The following AGMO variants were observed in gnomAD, a reference collection of about 807,000 sequenced individuals.
AGMO encodes the protein alkylglycerol monooxygenase.
AGMO carries 75 observed loss-of-function variants against 60.2 expected under a neutral mutation model. The observed-to-expected ratio is 1.25, with a 90% CI of 1.03 to 1.51. AGMO has a LOEUF of 1.51. AGMO is among the 40% of genes most tolerant of loss of function. The probability of loss-of-function intolerance (pLI) is 0.00; values close to 1 mark genes in which losing one functional copy is unlikely to be tolerated. For missense variants in AGMO, 763 were observed against 525.5 expected, an observed-to-expected ratio of 1.45 and a Z score of -4.42; for synonymous variants, 261 against 177.1, an observed-to-expected ratio of 1.47 and a Z score of -3.76.
chr7:15,465,247 T>A (rs937031710), intron 3 of AGMO, among the ~76,000 whole-genome samples: 1 of 151,764 alleles, frequency 6.6e-6, no homozygotes, highest in Non-Finnish European at 1.5e-5. Flanking sequence ...CCACTCCCTC[T>A]CTTCTCAGCA....
At chr7:15,288,643 A>T (rs1385629618) in intron 12 of AGMO, among the ~76,000 whole-genome samples, 2 of 151,976 alleles carry the variant, frequency 1.3e-5, no homozygotes, top group Non-Finnish European at 2.9e-5. Context: ...CAAATTTCTT[A>T]TGCCTTTATA....
chr7:15,121,401 T>C, the AGMO span, among the ~76,000 whole-genome samples: 1 of 152,124 alleles, frequency 6.6e-6, no homozygotes, highest in Non-Finnish European at 1.5e-5. Context: ...CACCACACTG[T>C]CTTCCACAAT....
At chr7:15,536,839 A>T (rs1397473530) in intron 3 of AGMO, among the ~76,000 whole-genome samples, 1 of 151,950 alleles carries the variant, frequency 6.6e-6, no homozygotes, top group Non-Finnish European at 1.5e-5. Context: ...ATGCTATTTT[A>T]TATGGTAACG....
intron 12 of AGMO, among the ~76,000 whole-genome samples, chr7:15,282,062 T>G (rs1419682624): frequency 6.6e-6 from 1 of 152,058 alleles, no homozygotes; most frequent in East Asian, 1.9e-4. Context: ...AATAAAGAAA[T>G]TTTAAAAAAC....
intron 12 of AGMO, among the ~76,000 whole-genome samples, chr7:15,224,320 G>A (rs368061682): frequency 1.3e-5 from 2 of 152,054 alleles, no homozygotes; most frequent in East Asian, 3.9e-4. Flanking sequence ...CCAAACTGAT[G>A]GTATTATGAG....
At chr7:15,462,258 A>C (rs1453988013) in intron 3 of AGMO, among the ~76,000 whole-genome samples, 1 of 152,188 alleles carries the variant, frequency 6.6e-6, no homozygotes, top group African/African-American at 2.4e-5. Flanking sequence ...CTGTCAGTTG[A>C]GAGTGATATA....
chr7:15,528,690 C>T (rs776464567), intron 3 of AGMO, among the ~76,000 whole-genome samples: 10 of 151,500 alleles, frequency 6.6e-5, no homozygotes, highest in South Asian at 2.1e-4. Context: ...TCTTTTTTGC[C>T]CAGGCTGGAG....
intron 9 of AGMO, 87 bp from the exon 10 acceptor site, chr7:15,385,649 ATCTGCTATTTTT>A: frequency 1.3e-6 from 1 of 768,620 alleles, no homozygotes; most frequent in African/African-American, 2.0e-5. Context: ...TGAAAAAAGT[ATCTGCTATTTTT>A]TTTAAAAAAA....
chr7:15,489,240 C>A (rs1019453263), intron 3 of AGMO, among the ~76,000 whole-genome samples: 2 of 152,086 alleles, frequency 1.3e-5, no homozygotes, highest in African/African-American at 4.8e-5. Context: ...TTTGTAGAAT[C>A]ATGAAGAGCC....
intron 12 of AGMO, among the ~76,000 whole-genome samples, chr7:15,278,841 C>T (rs1225395215): frequency 6.6e-6 from 1 of 152,134 alleles, no homozygotes; most frequent in Non-Finnish European, 1.5e-5. Flanking sequence ...GAACACCAGG[C>T]TGCAGCTATA....
intron 5 of AGMO, among the ~76,000 whole-genome samples, chr7:15,394,708 T>C (rs1260758714): frequency 6.6e-6 from 1 of 152,046 alleles, no homozygotes; most frequent in Admixed American, 6.6e-5. Context: ...TTTCCCGGAG[T>C]TGTTTCACCC....
chr7:15,251,882 G>A (rs75209101), intron 12 of AGMO, among the ~76,000 whole-genome samples: 1 of 152,130 alleles, frequency 6.6e-6, no homozygotes, highest in African/African-American at 2.4e-5. Flanking sequence ...AGTGTTCCTT[G>A]CAAGAGGCAT....
At chr7:15,153,215 T>C in the AGMO span, among the ~76,000 whole-genome samples, 23 of 152,152 alleles carry the variant, frequency 1.5e-4, no homozygotes, top group African/African-American at 5.5e-4. Context: ...CTGATTTGTT[T>C]AAACTCTTTG....
intron 3 of AGMO, among the ~76,000 whole-genome samples, chr7:15,505,189 A>T (rs1330687645): frequency 6.6e-6 from 1 of 151,992 alleles, no homozygotes; most frequent in Non-Finnish European, 1.5e-5. Flanking sequence ...AGATGGAATT[A>T]CTACATTGTA....
intron 3 of AGMO, among the ~76,000 whole-genome samples, chr7:15,466,086 T>C (rs1294485992): frequency 6.6e-6 from 1 of 152,182 alleles, no homozygotes; most frequent in Admixed American, 6.6e-5. Context: ...TCTCATGTTT[T>C]ATTTTTCTGA....
At chr7:15,194,492 T>G in the AGMO span, among the ~76,000 whole-genome samples, 1 of 152,036 alleles carries the variant, frequency 6.6e-6, no homozygotes, top group Non-Finnish European at 1.5e-5. Flanking sequence ...ATCTCCCCTT[T>G]GAGCATGAAT....
intron 3 of AGMO, among the ~76,000 whole-genome samples, chr7:15,439,885 G>C (rs2128501517): frequency 6.6e-6 from 1 of 152,206 alleles, no homozygotes; most frequent in South Asian, 2.1e-4. Context: ...TTAGGAACTG[G>C]GATGAGACCC....
chr7:15,541,965 A>T (rs1784642233), intron 3 of AGMO, among the ~76,000 whole-genome samples: 1 of 152,154 alleles, frequency 6.6e-6, no homozygotes, highest in Non-Finnish European at 1.5e-5. Flanking sequence ...TTCTTACTAT[A>T]TTTTAAGATG....
the AGMO span, among the ~76,000 whole-genome samples, chr7:15,172,221 T>C: frequency 1.3e-5 from 2 of 152,236 alleles, no homozygotes; most frequent in Admixed American, 6.5e-5. Context: ...TCACCCTTTG[T>C]GTACAAGATT....
Sources: allele counts gnomAD v4.1 joint callset (sites outside exome capture counted in the v4.1 genomes callset), GRCh38; gene constraint gnomAD v4.1.1; transcripts MANE v1.5; gene names NCBI Gene and HGNC (gene_info 2026-07-23, HGNC 2026-07-21).